GRID2: variants seen among roughly 807,000 people sequenced by gnomAD.
The protein encoded by GRID2 is glutamate ionotropic receptor delta type subunit 2.
A neutral mutation model predicts 114.8 loss-of-function variants in GRID2; 33 were observed. The observed-to-expected ratio is 0.29, with a 90% CI of 0.22 to 0.38. GRID2 has a LOEUF of 0.38. Among genes scored for constraint, GRID2 ranks in the 10% least tolerant of loss-of-function variants. The probability of loss-of-function intolerance (pLI) is 1.00; values close to 1 mark genes in which losing one functional copy is unlikely to be tolerated. For missense variants in GRID2, 1,184 were observed against 1,257.7 expected, an observed-to-expected ratio of 0.94 and a Z score of 0.89; for synonymous variants, 505 against 449.9, an observed-to-expected ratio of 1.12 and a Z score of -1.55.
In GRID2 at chr4:92,685,918, A is replaced by C. The variant is rs111876150; in HGVS notation, c.244+95632A>C. Among the ~76,000 whole-genome samples the C allele has an allele frequency of 1.5e-3, 230 of 152,164 alleles. 2 individuals are homozygous for C. Among genetic ancestry groups the C allele is most frequent in the African/African-American group, 5.2e-3 (217 of 41,546 alleles). ...TATGATTTTGTACAATATGCCACAA[A>C]ATTTTAAGAAAATTTGAATCACATT... is the stretch of plus-strand genomic sequence containing the variant. On this transcript the variant is annotated intron_variant, in intron 2 of 15. Transcript: ENST00000282020.
intron 2 of GRID2, among the ~76,000 whole-genome samples, chr4:93,056,423 T>C (rs1377968847): frequency 1.3e-5 from 2 of 151,694 alleles, no homozygotes; most frequent in East Asian, 3.9e-4. Flanking sequence ...GAAGTAGGAA[T>C]ATAAATGAAG....
At chr4:93,347,676 C>T (rs1346366638) in intron 8 of GRID2, among the ~76,000 whole-genome samples, 1 of 152,084 alleles carries the variant, frequency 6.6e-6, no homozygotes, top group Admixed American at 6.6e-5. Flanking sequence ...TAATGTATTA[C>T]TTAGTTAACA....
rs904313640 is a variant in GRID2, at chr4:93,594,312, A to C, written c.2194-31957A>C. On this transcript the variant is annotated intron_variant, in intron 13 of 15. Coordinates refer to ENST00000282020, the MANE Select transcript of GRID2 (RefSeq NM_001510.4). Reference sequence around the variant, plus strand: ...CTGCAGGTCTGTTGGAGTACCCTGCAGTGTGAGGTGTCAGTGTGCCCCTGC... The same window carrying C: ...CTGCAGGTCTGTTGGAGTACCCTGCCGTGTGAGGTGTCAGTGTGCCCCTGC... Among the ~76,000 whole-genome samples the C allele has an allele frequency of 1.4e-3, 209 of 152,172 alleles. 1 individual carries two copies. The highest frequency in any genetic ancestry group is 4.0e-3 in the African/African-American group (165 of 41,524).
At chr4:92,694,964 T>C (rs1734354449) in intron 2 of GRID2, among the ~76,000 whole-genome samples, 1 of 151,298 alleles carries the variant, frequency 6.6e-6, no homozygotes, top group Admixed American at 6.6e-5. Context: ...TTTTATCAGA[T>C]TTCATTTTGT....
intron 8 of GRID2, among the ~76,000 whole-genome samples, chr4:93,293,934 A>C (rs1445121066): frequency 6.6e-6 from 1 of 152,218 alleles, no homozygotes; most frequent in Non-Finnish European, 1.5e-5. Flanking sequence ...GACAGAAACT[A>C]AGTGAACACA....
At chr4:93,661,529 G>C (rs775572975) in intron 14 of GRID2, among the ~76,000 whole-genome samples, 1 of 152,076 alleles carries the variant, frequency 6.6e-6, no homozygotes, top group Non-Finnish European at 1.5e-5. Flanking sequence ...TTATAGTGCT[G>C]TTGCCATGAG....
chr4:92,508,341 T>C (rs1162055373), intron 1 of GRID2, among the ~76,000 whole-genome samples: 1 of 151,952 alleles, frequency 6.6e-6, no homozygotes, highest in East Asian at 1.9e-4. Flanking sequence ...GGTATGGCAG[T>C]AAATACTTGA....
At chr4:92,748,637 A>G (rs1236095258) in intron 2 of GRID2, among the ~76,000 whole-genome samples, 1 of 116,196 alleles carries the variant, frequency 8.6e-6, no homozygotes, top group East Asian at 2.7e-4. Flanking sequence ...AAATTGTATT[A>G]TTATTATTAT....
At chr4:92,927,364 T>C (rs1749889630) in intron 2 of GRID2, among the ~76,000 whole-genome samples, 1 of 151,864 alleles carries the variant, frequency 6.6e-6, no homozygotes, top group Non-Finnish European at 1.5e-5. Flanking sequence ...GCAGAACTTC[T>C]TGGGACAAAG....
chr4:92,942,873 T>C (rs1283004699), intron 2 of GRID2, among the ~76,000 whole-genome samples: 8 of 152,198 alleles, frequency 5.3e-5, no homozygotes, highest in Non-Finnish European at 8.8e-5. Flanking sequence ...AAAATTCTTT[T>C]CTTTAAGAAT....
At chr4:92,341,565 C>T (rs1379322778) in intron 1 of GRID2, among the ~76,000 whole-genome samples, 1 of 152,116 alleles carries the variant, frequency 6.6e-6, no homozygotes, top group Non-Finnish European at 1.5e-5. Context: ...AGCAGATAAA[C>T]ACTTGAGAAT....
chr4:93,017,251 A>G (rs1016263299), intron 2 of GRID2, among the ~76,000 whole-genome samples: 6 of 152,174 alleles, frequency 3.9e-5, no homozygotes, highest in African/African-American at 1.4e-4. Flanking sequence ...TTAACTATGT[A>G]TGTAGGTTAA....
At chr4:92,452,835 A>G (rs372594012) in intron 1 of GRID2, among the ~76,000 whole-genome samples, 3 of 129,620 alleles carry the variant, frequency 2.3e-5, no homozygotes, top group Non-Finnish European at 3.5e-5. Context: ...ATATATATAT[A>G]TTTACCATAT....
chr4:93,345,926 G>A (rs999047062), intron 8 of GRID2, among the ~76,000 whole-genome samples: 1 of 151,720 alleles, frequency 6.6e-6, no homozygotes. Flanking sequence ...TGTGTACTTG[G>A]CAACTTTTTA....
intron 13 of GRID2, among the ~76,000 whole-genome samples, chr4:93,580,975 T>C (rs575989641): frequency 1.5e-4 from 23 of 152,120 alleles, no homozygotes; most frequent in African/African-American, 5.3e-4. Context: ...ATGTAAGTTC[T>C]GGGATACATG....
rs1008311457 is a variant in GRID2 at position 93,128,027 on chromosome 4, C to CAAAAAAAA, written c.735+17099_735+17106dup. Among the ~76,000 whole-genome samples the CAAAAAAAA allele has an allele frequency of 7.5e-3, 153 of 20,280 alleles. 31 individuals are homozygous for CAAAAAAAA. The highest frequency in any genetic ancestry group is 0.011 in the Admixed American group (14 of 1,252). The allele number at this position is 20,280 out of a possible 152,430, so 13.3% of individuals were successfully genotyped here. A position where few individuals can be genotyped will look rare whatever the true frequency, so the allele number is the denominator to read the frequency against. On this transcript the variant is annotated intron_variant, in intron 4 of 15. Coordinates refer to ENST00000282020, the MANE Select transcript of GRID2 (RefSeq NM_001510.4). ...CAGAGTAAGACCTTGTCCCCCGCAA[C>CAAAAAAAA]AAAAAAAAAAAAAAAAAAAAAAAAA...
intron 2 of GRID2, among the ~76,000 whole-genome samples, chr4:92,802,320 A>G (rs1011190432): frequency 1.3e-5 from 2 of 151,916 alleles, no homozygotes; most frequent in African/African-American, 4.8e-5. Context: ...TCCATAGTTT[A>G]CATTAGGGTT....
At chr4:92,372,858 A>G (rs1041948500) in intron 1 of GRID2, among the ~76,000 whole-genome samples, 4 of 152,218 alleles carry the variant, frequency 2.6e-5, no homozygotes, top group African/African-American at 9.6e-5. Context: ...GTTATACTCC[A>G]GAAAATTTTA....
chr4:92,955,907 GAT>G (rs1752373362), intron 2 of GRID2, among the ~76,000 whole-genome samples: 1 of 152,120 alleles, frequency 6.6e-6, no homozygotes, highest in African/African-American at 2.4e-5. Flanking sequence ...TCTCAGTAGA[GAT>G]AGGATTTCAC....
Sources: allele counts gnomAD v4.1 joint callset (sites outside exome capture counted in the v4.1 genomes callset), GRCh38; gene constraint gnomAD v4.1.1; transcripts MANE v1.5; gene names NCBI Gene and HGNC (gene_info 2026-07-23, HGNC 2026-07-21).